Variants in GRIK4 observed in about 807,000 individuals in gnomAD.
GRIK4 encodes the protein glutamate receptor ionotropic, kainate 4.
In GRIK4, 40 loss-of-function variants were observed where a neutral mutation model predicts 104.9. The ratio of observed to expected loss-of-function variants is 0.38; its 90% CI spans 0.30 to 0.50. The LOEUF (loss-of-function observed/expected upper bound fraction) is 0.50. Ranked by LOEUF, GRIK4 falls within the 20% of genes least tolerant of loss-of-function variation. The probability of loss-of-function intolerance (pLI) is 0.93; values close to 1 mark genes in which losing one functional copy is unlikely to be tolerated. For missense variants in GRIK4, 1,047 were observed against 1,308.1 expected (o/e 0.80, Z 3.08); for synonymous variants, 485 against 524.9 (o/e 0.92, Z 1.04).
chr11:120,619,821 A>G (rs1262896800), intron 1 of GRIK4: 4 of 171,156 alleles, frequency 2.3e-5, no homozygotes, highest in Admixed American at 1.2e-4. Flanking sequence ...CAGCCTGCAG[A>G]ACTGTAAGCT....
chr11:120,732,411 G>A (rs1951150309), intron 3 of GRIK4, among the ~76,000 whole-genome samples: 1 of 152,192 alleles, frequency 6.6e-6, no homozygotes, highest in Non-Finnish European at 1.5e-5. Context: ...GATTACAGGT[G>A]TGAGCCACCA....
In GRIK4 at chr11:120,830,699, AG is replaced by A. The variant is rs1953403780; in HGVS notation, c.512-1151del. ...TATAATACTTTATGGGATTGTCGTG[AG>A]GACTTACATGAGATAAGCCATGTAA... On this transcript the variant is annotated intron_variant, in intron 6 of 20. Transcript: ENST00000527524. Among the ~76,000 whole-genome samples, 4 of 152,324 alleles carry A rather than the reference AG, an allele frequency of 2.6e-5. No individual in the cohort carries two copies. The South Asian group carries it at 8.3e-4, about 32-fold the overall frequency.
chr11:120,968,822 C>T (rs937712290), intron 19 of GRIK4, among the ~76,000 whole-genome samples: 1 of 152,174 alleles, frequency 6.6e-6, no homozygotes, highest in African/African-American at 2.4e-5. Context: ...GCCCTCATTC[C>T]TTTATCTGTA....
chr11:120,671,514 C>T (rs991916962), intron 3 of GRIK4, among the ~76,000 whole-genome samples: 18 of 152,214 alleles, frequency 1.2e-4, no homozygotes, highest in East Asian at 5.8e-4. Flanking sequence ...TTGTTGGCCG[C>T]GTAAATGTCT....
chr11:120,888,511 A>G (rs1336095355), intron 11 of GRIK4, among the ~76,000 whole-genome samples: 1 of 152,198 alleles, frequency 6.6e-6, no homozygotes, highest in Non-Finnish European at 1.5e-5. Context: ...CTTATACTGT[A>G]GTTAGTCCTT....
rs531046410 is a variant in GRIK4, at chr11:120,972,478, C to T, written c.2395+5155C>T. On this transcript the variant is annotated intron_variant, in intron 19 of 20. Coordinates refer to ENST00000527524, the MANE Select transcript of GRIK4 (RefSeq NM_014619.5). ...TATTTTGGAATACAGAAGGTTAATT[C>T]CTAATAGGATCTGGTCAAAAAGTTA... is the stretch of plus-strand genomic sequence containing the variant. Among the ~76,000 whole-genome samples, 32 of 152,074 alleles carry T rather than the reference C, an allele frequency of 2.1e-4. No individual in the cohort carries two copies. In the South Asian group the frequency reaches 6.7e-3, roughly 32 times the overall value.
chr11:120,717,742 T>TG (rs1407923454), intron 3 of GRIK4, among the ~76,000 whole-genome samples: 5 of 152,000 alleles, frequency 3.3e-5, no homozygotes, highest in Non-Finnish European at 5.9e-5. Context: ...GAAAGCCTGC[T>TG]GGGGGTGTGT....
At chr11:120,644,011 CTGTGTGTG>C (rs369374873) in intron 1 of GRIK4, among the ~76,000 whole-genome samples, 26 of 122,856 alleles carry the variant, frequency 2.1e-4, no homozygotes, top group Non-Finnish European at 2.9e-4. Flanking sequence ...GGGAGAGGGT[CTGTGTGTG>C]TGTGTGTGTG....
chr11:120,620,416 C>T (rs1305328276), intron 1 of GRIK4: 2 of 508,912 alleles, frequency 3.9e-6, no homozygotes. Flanking sequence ...ATAACCCAGT[C>T]CCCATGTATG....
intron 1 of GRIK4, among the ~76,000 whole-genome samples, chr11:120,557,066 C>T (rs1948194935): frequency 6.6e-6 from 1 of 152,170 alleles, no homozygotes; most frequent in Non-Finnish European, 1.5e-5. Flanking sequence ...CAAACCTGGC[C>T]TGACTGAGGC....
At chr11:120,710,587 A>C (rs368312394) in intron 3 of GRIK4, among the ~76,000 whole-genome samples, 9 of 152,116 alleles carry the variant, frequency 5.9e-5, no homozygotes, top group African/African-American at 2.2e-4. Flanking sequence ...CTCACAATAG[A>C]GAGTCTTTCT....
chr11:120,608,632 A>T (rs898398727), intron 1 of GRIK4, among the ~76,000 whole-genome samples: 9 of 152,210 alleles, frequency 5.9e-5, no homozygotes, highest in African/African-American at 2.2e-4. Context: ...CACAAGAATG[A>T]TGCCTTTCAA....
chr11:120,826,932 G>T (rs958411956), intron 6 of GRIK4, among the ~76,000 whole-genome samples: 1 of 152,136 alleles, frequency 6.6e-6, no homozygotes, highest in Non-Finnish European at 1.5e-5. Context: ...TCCGACAACC[G>T]CACACCCTGA....
At chr11:120,874,465 C>A (rs890079398) in intron 10 of GRIK4, among the ~76,000 whole-genome samples, 20 of 152,210 alleles carry the variant, frequency 1.3e-4, no homozygotes, top group Non-Finnish European at 2.6e-4. Flanking sequence ...TCGAGCCTTA[C>A]ACTATTAGTG....
chr11:120,512,015 G>C (rs1463380026), intron 1 of GRIK4, 128 bp downstream of exon 1: 1 of 142,674 alleles, frequency 7.0e-6, no homozygotes, highest in Non-Finnish European at 1.5e-5. Flanking sequence ...CTGCCCTCGG[G>C]GGCCGCGGCC....
chr11:120,557,323 G>A (rs1948197398), intron 1 of GRIK4, among the ~76,000 whole-genome samples: 1 of 152,134 alleles, frequency 6.6e-6, no homozygotes, highest in African/African-American at 2.4e-5. Flanking sequence ...TGCCTTGGGG[G>A]AAGAAAACGG....
At chr11:120,910,568 T>A (rs2134526792) in intron 13 of GRIK4, among the ~76,000 whole-genome samples, 1 of 152,292 alleles carries the variant, frequency 6.6e-6, no homozygotes, top group Middle Eastern at 3.4e-3. Flanking sequence ...ACTGGAGGTG[T>A]GCTTGGCAGA....
At chr11:120,658,248 A>G (rs1438351423) in intron 2 of GRIK4, among the ~76,000 whole-genome samples, 1 of 151,942 alleles carries the variant, frequency 6.6e-6, no homozygotes, top group African/African-American at 2.4e-5. Context: ...ATAACATTCC[A>G]CTGTGTGCAT....
intron 13 of GRIK4, among the ~76,000 whole-genome samples, chr11:120,925,910 GT>G (rs1447355893): frequency 6.6e-6 from 1 of 150,792 alleles, no homozygotes; most frequent in Non-Finnish European, 1.5e-5. Flanking sequence ...GGAGGTGGAG[GT>G]TTCAGTGAGC....
Sources: allele counts gnomAD v4.1 joint callset (sites outside exome capture counted in the v4.1 genomes callset), GRCh38; gene constraint gnomAD v4.1.1; transcripts MANE v1.5; gene names NCBI Gene and HGNC (gene_info 2026-07-23, HGNC 2026-07-21).